FGFBP1: variants seen among roughly 807,000 people sequenced by gnomAD.
FGFBP1 encodes the protein fibroblast growth factor-binding protein 1.
Under a neutral mutation model 14.6 loss-of-function variants are expected in FGFBP1, and 12 were observed. That is an observed-to-expected ratio of 0.82 (90% confidence interval 0.53 to 1.33). FGFBP1 has a LOEUF of 1.33. FGFBP1 is among the 40% of genes most tolerant of loss of function. The pLI is 0.00. For missense variants in FGFBP1, 317 were observed against 271.8 expected, an observed-to-expected ratio of 1.17 and a Z score of -1.17; for synonymous variants, 117 against 105.0, an observed-to-expected ratio of 1.11 and a Z score of -0.70.
At position 15,936,255 on chromosome 4, in the gene FGFBP1, G is replaced by A. The variant is rs773215520; in HGVS notation, c.378C>T (p.Ile126=). The A allele has an allele frequency of 2.4e-5, 38 of 1,614,072 alleles. No individual in the cohort carries two copies. Among genetic ancestry groups the A allele is most frequent in the Non-Finnish European group, 3.1e-5 (36 of 1,180,040 alleles). The change falls in exon 3 of 3, where the codon ATC becomes ATT. Residue 126 remains isoleucine, a synonymous_variant. Transcript: ENST00000382333. ...TCACAGCTGTCTTGGAATATCTACA[G>A]ATGTCTTTCTGTGAGCGCAGATTCC... ...VARNLRSQKD[I]CRYSKTAVKT...
chr4:15,936,273 C>A lies in FGFBP1; in HGVS notation c.360G>T (p.Leu120=). The A allele has an allele frequency of 6.2e-7, 1 of 1,614,218 alleles. No homozygotes were observed. ...ATCTACAGATGTCTTTCTGTGAGCG[C>A]AGATTCCGGGCAACTTGTTTCCAAT... ...RVYWKQVARN[L]RSQKDICRYS... The change falls in exon 3 of 3, where the codon CTG becomes CTT. Residue 120 remains leucine (L), a synonymous_variant. Coordinates refer to ENST00000382333, the MANE Select transcript of FGFBP1 (RefSeq NM_005130.5).
chr4:15,935,712 A>G lies in FGFBP1; in HGVS notation c.*216T>C, dbSNP rs1712458105. On this transcript the variant is annotated 3_prime_UTR_variant, in exon 3 of 3. Coordinates refer to ENST00000382333, the MANE Select transcript of FGFBP1 (RefSeq NM_005130.5). ...ACATAGCTGTGTGGGCCATGGAAATACATGCTGCAGGAAACAGCCTCTGAA... is the reference window on the plus strand; with the variant it reads ...ACATAGCTGTGTGGGCCATGGAAATGCATGCTGCAGGAAACAGCCTCTGAA... The G allele has an allele frequency of 2.3e-6, 1 of 437,786 alleles. No individual in the cohort carries two copies. The allele number at this position is 437,786 out of a possible 1,614,324, so 27.1% of individuals were successfully genotyped here.
At chr4:15,938,031 G>A (rs1374304375) in intron 2 of FGFBP1, among the ~76,000 whole-genome samples, 1 of 152,198 alleles carries the variant, frequency 6.6e-6, no homozygotes, top group Admixed American at 6.5e-5. Context: ...CCATCTTCTA[G>A]GGTTAAGAAG....
At chr4:15,936,720 C>T (rs945853405) in intron 2 of FGFBP1, 68 bp from the exon 3 acceptor site, 1 of 928,922 alleles carries the variant, frequency 1.1e-6, no homozygotes, top group Non-Finnish European at 1.6e-6. Flanking sequence ...ACACGCTGGC[C>T]TCCCCCTACC....
rs1469036374 is a variant in FGFBP1 at position 15,936,258 on chromosome 4, G to A, written c.375C>T (p.Asp125=). 6.2e-7 allele frequency: 1 copy of A among 1,614,172 alleles called. No homozygotes were observed. Among genetic ancestry groups the A allele is most frequent in the Non-Finnish European group, 8.5e-7 (1 of 1,180,002 alleles). ...CAGCTGTCTTGGAATATCTACAGATGTCTTTCTGTGAGCGCAGATTCCGGG... is the reference window on the plus strand; with the variant it reads ...CAGCTGTCTTGGAATATCTACAGATATCTTTCTGTGAGCGCAGATTCCGGG... ...QVARNLRSQK[D]ICRYSKTAVK... The change falls in exon 3 of 3, where the codon GAC becomes GAT. Residue 125 remains aspartate (D), a synonymous_variant. Coordinates refer to ENST00000382333, the MANE Select transcript of FGFBP1 (RefSeq NM_005130.5).
rs1169121850 is a variant in FGFBP1, at chr4:15,938,351, C to G, written c.-121G>C. Reference sequence around the variant, plus strand: ...AGTGCAAGGGGGGTAGACTATTCAACAGGAGCCAGGCTGACTGGGTTTTTA... The same window carrying G: ...AGTGCAAGGGGGGTAGACTATTCAAGAGGAGCCAGGCTGACTGGGTTTTTA... On this transcript the variant is annotated 5_prime_UTR_variant, in exon 2 of 3. Coordinates refer to ENST00000382333, the MANE Select transcript of FGFBP1 (RefSeq NM_005130.5). 6.6e-6 allele frequency: 1 copy of G among 152,372 alleles called. No individual in the cohort carries two copies. The highest frequency in any genetic ancestry group is 1.5e-5 in the Non-Finnish European group (1 of 68,144). The allele number at this position is 152,372 out of a possible 1,614,324, so 9.4% of individuals were successfully genotyped here. A position where few individuals can be genotyped will look rare whatever the true frequency, so the allele number is the denominator to read the frequency against.
Position 15,938,711 on chromosome 4 carries a change from C to G in FGFBP1, c.-266G>C, listed in dbSNP as rs1035860110. On this transcript the variant is annotated 5_prime_UTR_variant, in exon 1 of 3. It removes an upstream start codon present in the reference 5' UTR. Coordinates refer to ENST00000382333, the MANE Select transcript of FGFBP1 (RefSeq NM_005130.5). Reference sequence around the variant, plus strand: ...CCTGAGTTCTCCTTTTCCCTCATCACATCCGCTCTAGTAGGGAGTGCAATG... The same window carrying G: ...CCTGAGTTCTCCTTTTCCCTCATCAGATCCGCTCTAGTAGGGAGTGCAATG... 3 of 152,236 alleles carry G rather than the reference C, an allele frequency of 2.0e-5. No individual in the cohort carries two copies. The highest frequency in any genetic ancestry group is 4.4e-5 in the Non-Finnish European group (3 of 68,054). The allele number at this position is 152,236 out of a possible 1,614,324, so 9.4% of individuals were successfully genotyped here.
In FGFBP1 at chr4:15,936,743, T is replaced by C. The variant is rs1712506779; in HGVS notation, c.-20-91A>G. 1.9e-5 allele frequency: 14 copies of C among 740,340 alleles called. No individual in the cohort carries two copies. The South Asian group carries it at 2.3e-4, about 12-fold the overall frequency. 45.9% of individuals were successfully genotyped at this position (740,340 alleles called of 1,614,324 possible). A position where few individuals can be genotyped will look rare whatever the true frequency, so the allele number is the denominator to read the frequency against. On this transcript the variant is annotated intron_variant, in intron 2 of 2. Transcript: ENST00000382333. ...GCCTCCCCCTACCCTGACAGGTGCC[T>C]ACATGATTTCAGAGTAGACCAAGAA...
In FGFBP1 at chr4:15,936,346, A is replaced by C; in HGVS notation, c.287T>G (p.Phe96Cys). 1 of 1,614,172 alleles carries C rather than the reference A, an allele frequency of 6.2e-7. No homozygotes were observed. Among genetic ancestry groups the C allele is most frequent in the Non-Finnish European group, 8.5e-7 (1 of 1,180,020 alleles). ...TQLDHEFSCV[F>C]AGNPTSCLKL... The stretch of plus-strand genomic sequence containing the variant: ...TAGGCATGAGGTTGGATTGCCAGCA[A>C]AGACACAGGAAAATTCATGGTCCAA... The change falls in exon 3 of 3, where the codon TTT (phenylalanine) becomes TGT (cysteine). Residue 96 changes from phenylalanine to cysteine, a missense_variant. By Grantham distance (205) the Phe-to-Cys change is radical. Transcript: ENST00000382333.
Position 15,936,554 on chromosome 4 carries a change from C to CT in FGFBP1, c.78dup (p.Val27SerfsTer23), listed in dbSNP as rs144178676. 115 of 1,605,450 alleles carry CT rather than the reference C, an allele frequency of 7.2e-5. No homozygotes were observed. In the Middle Eastern group the frequency reaches 8.2e-4, roughly 11 times the overall value. ...ACTTTGCTGTGAAGTCCATTCTTCA[C>CT]TTTTTTTTTCCCCTCCACCAGGAGC... On this transcript the variant is annotated frameshift_variant, in exon 3 of 3. Coordinates refer to ENST00000382333, the MANE Select transcript of FGFBP1 (RefSeq NM_005130.5). LOFTEE classifies it high-confidence loss of function.
intron 2 of FGFBP1, 47 bp from the exon 3 acceptor site, chr4:15,936,699 T>G: frequency 8.4e-7 from 1 of 1,197,120 alleles, no homozygotes; most frequent in Non-Finnish European, 1.2e-6. Flanking sequence ...GCAGTTCAGC[T>G]GTGCAGGACT....
chr4:15,936,637 G>A lies in FGFBP1; in HGVS notation c.-5C>T. 1 of 1,593,922 alleles carries A rather than the reference G, an allele frequency of 6.3e-7. No homozygotes were observed. The highest frequency in any genetic ancestry group is 8.5e-7 in the Non-Finnish European group (1 of 1,171,468). ...GGTGAGGCTACAGATCTTCATGGCT[G>A]CAGCTGGGCGTTCACCTGTTTGACA... On this transcript the variant is annotated 5_prime_UTR_variant, in exon 3 of 3. Transcript: ENST00000382333.
chr4:15,937,405 G>A (rs1441197299), intron 2 of FGFBP1, among the ~76,000 whole-genome samples: 1 of 152,174 alleles, frequency 6.6e-6, no homozygotes, highest in Admixed American at 6.5e-5. Context: ...GTGAATCAGG[G>A]TGGAGAGAGG....
chr4:15,937,722 C>T (rs2148945898), intron 2 of FGFBP1, among the ~76,000 whole-genome samples: 1 of 152,274 alleles, frequency 6.6e-6, no homozygotes, highest in Admixed American at 6.5e-5. Flanking sequence ...AAGTAAATTG[C>T]TCAGGATCTC....
chr4:15,937,107 C>T (rs986056645), intron 2 of FGFBP1, among the ~76,000 whole-genome samples: 2 of 152,176 alleles, frequency 1.3e-5, no homozygotes, highest in Non-Finnish European at 2.9e-5. Flanking sequence ...ATCTCTGTTT[C>T]TGATATGAAA....
In FGFBP1 at chr4:15,936,491, T is replaced by C. The variant is rs761071706; in HGVS notation, c.142A>G (p.Ile48Val). ...TTCCCGGGCCTGCTTTTCTGCTTAA[T>C]CTGGGTGTTGCCCAGAGTGTCCTTT... is the stretch of plus-strand genomic sequence containing the variant. Reference protein sequence around the residue: ...EQKDTLGNTQIKQKSRPGNKG... With the variant: ...EQKDTLGNTQVKQKSRPGNKG... Residue 48 changes from isoleucine (I) to valine (V), a missense_variant, in exon 3 of 3, where the codon ATT becomes GTT. Coordinates refer to ENST00000382333, the MANE Select transcript of FGFBP1 (RefSeq NM_005130.5). 4 of 1,614,122 alleles carry C rather than the reference T, an allele frequency of 2.5e-6. No homozygotes were observed. In the African/African-American group the frequency reaches 4.0e-5, roughly 16 times the overall value.
intron 1 of FGFBP1, 80 bp downstream of exon 1, chr4:15,938,606 AC>A (rs1161754116): frequency 6.6e-6 from 1 of 152,180 alleles, no homozygotes; most frequent in Non-Finnish European, 1.5e-5. Context: ...TGGGGAGAGG[AC>A]CCCAGCAGTG....
In FGFBP1 at chr4:15,936,011, T is replaced by C; in HGVS notation, c.622A>G (p.Lys208Glu). 1.9e-6 allele frequency: 3 copies of C among 1,614,156 alleles called. No individual in the cohort carries two copies. Among genetic ancestry groups the C allele is most frequent in the Non-Finnish European group, 2.5e-6 (3 of 1,180,020 alleles). Residue 208 changes from lysine (K) to glutamate (E), a missense_variant, in exon 3 of 3, where the codon AAG becomes GAG. Transcript: ENST00000382333. ...VEDPDMANQRKTALEFCGETW... is the reference protein window; with the variant it reads ...VEDPDMANQRETALEFCGETW... ...TCTCCACAGAACTCCAGGGCAGTCT[T>C]CCTCTGGTTTGCCATATCTGGGTCC...
At position 15,938,376 on chromosome 4, in the gene FGFBP1, A is replaced by G. The variant is rs1174915254; in HGVS notation, c.-146T>C. On this transcript the variant is annotated 5_prime_UTR_variant, in exon 2 of 3. Transcript: ENST00000382333. Reference sequence around the variant, plus strand: ...CAGGAGCCAGGCTGACTGGGTTTTTATAACACTCACTGGGTTTTTACAACA... The same window carrying G: ...CAGGAGCCAGGCTGACTGGGTTTTTGTAACACTCACTGGGTTTTTACAACA... The G allele has an allele frequency of 6.6e-6, 1 of 152,302 alleles. No individual in the cohort carries two copies. Among genetic ancestry groups the G allele is most frequent in the African/African-American group, 2.4e-5 (1 of 41,450 alleles). The allele number at this position is 152,302 out of a possible 1,614,324, so 9.4% of individuals were successfully genotyped here.
Sources: gnomAD v4.1 joint callset for allele counts (sites outside exome capture counted in the v4.1 genomes callset) on GRCh38, gnomAD v4.1.1 for gene constraint, MANE v1.5 for transcripts, NCBI Gene and HGNC (gene_info 2026-07-23, HGNC 2026-07-21) for gene names.